CDH8: variants seen among roughly 807,000 people sequenced by gnomAD.
CDH8 encodes the protein cadherin-8.
CDH8 carries 17 observed loss-of-function variants against 68.1 expected under a neutral mutation model. The observed-to-expected ratio is 0.25, with a 90% CI of 0.17 to 0.37. The LOEUF is 0.37. CDH8 is among the 10% of genes least tolerant of loss of function. The pLI, the probability that CDH8 is intolerant of heterozygous loss-of-function variation, is 1.00. For missense variants in CDH8, 763 were observed against 999.3 expected, an observed-to-expected ratio of 0.76 and a Z score of 3.19; for synonymous variants, 372 against 365.1, an observed-to-expected ratio of 1.02 and a Z score of -0.21.
Position 61,827,217 on chromosome 16 carries a change from G to T in CDH8, c.668-2038C>A, listed in dbSNP as rs1209832846. 2.0e-5 allele frequency among the ~76,000 whole-genome samples: 3 copies of T among 151,780 alleles called. No homozygotes were observed. The East Asian group carries it at 5.8e-4, about 30-fold the overall frequency. On this transcript the variant is annotated intron_variant, in intron 4 of 11. Transcript: ENST00000577390. Reference sequence around the variant, plus strand: ...GCTCAAATTTTCAGTAAAAAAGATTGAAAACATTGTTTTCCTCCTGTGACA... The same window carrying T: ...GCTCAAATTTTCAGTAAAAAAGATTTAAAACATTGTTTTCCTCCTGTGACA...
At chr16:61,782,258 G>C (rs918449732) in intron 8 of CDH8, among the ~76,000 whole-genome samples, 1 of 152,124 alleles carries the variant, frequency 6.6e-6, no homozygotes, top group Non-Finnish European at 1.5e-5. Flanking sequence ...GAAGCAGGGC[G>C]AGGCATTGCC....
intron 11 of CDH8, among the ~76,000 whole-genome samples, chr16:61,654,839 A>C (rs1039779168): frequency 2.0e-5 from 3 of 152,198 alleles, no homozygotes; most frequent in African/African-American, 7.2e-5. Flanking sequence ...CCTCAAGGGT[A>C]GTATAAGATA....
intron 2 of CDH8, among the ~76,000 whole-genome samples, chr16:61,983,788 C>A (rs1017882926): frequency 1.3e-5 from 2 of 152,146 alleles, no homozygotes; most frequent in African/African-American, 2.4e-5. Context: ...ATCAGGATAA[C>A]AGCATATTGA....
intron 10 of CDH8, among the ~76,000 whole-genome samples, chr16:61,660,561 T>A (rs1012914669): frequency 6.6e-6 from 1 of 151,580 alleles, no homozygotes; most frequent in East Asian, 1.9e-4. Flanking sequence ...AAAACCTGAA[T>A]TAAAAAAAAT....
At chr16:61,839,186 C>T (rs577901463) in intron 4 of CDH8, among the ~76,000 whole-genome samples, 1 of 152,216 alleles carries the variant, frequency 6.6e-6, no homozygotes, top group South Asian at 2.1e-4. Flanking sequence ...GCAGATTGTA[C>T]TGATGATTAT....
chr16:61,871,978 C>T (rs1471151485), intron 3 of CDH8, among the ~76,000 whole-genome samples: 2 of 152,090 alleles, frequency 1.3e-5, no homozygotes, highest in African/African-American at 2.4e-5. Flanking sequence ...AAGAACTCTG[C>T]TCTGCATGAA....
intron 2 of CDH8, among the ~76,000 whole-genome samples, chr16:61,994,828 G>C (rs1181470702): frequency 6.6e-6 from 1 of 152,136 alleles, no homozygotes; most frequent in East Asian, 1.9e-4. Flanking sequence ...CTCAATTCTT[G>C]TTTCTCAATC....
At chr16:62,019,806 G>A (rs1597130050) in intron 2 of CDH8, among the ~76,000 whole-genome samples, 1 of 152,114 alleles carries the variant, frequency 6.6e-6, no homozygotes, top group East Asian at 1.9e-4. Context: ...TGCATATACT[G>A]AAGGGGGGCT....
chr16:61,996,197 C>A (rs1286230569), intron 2 of CDH8, among the ~76,000 whole-genome samples: 1 of 151,806 alleles, frequency 6.6e-6, no homozygotes, highest in Non-Finnish European at 1.5e-5. Context: ...GGTCATCCAA[C>A]CCAATCCCCT....
At chr16:61,853,999 T>C (rs1962992435) in intron 4 of CDH8, among the ~76,000 whole-genome samples, 1 of 152,028 alleles carries the variant, frequency 6.6e-6, no homozygotes, top group Admixed American at 6.6e-5. Context: ...TATATATGTA[T>C]ATACATATGT....
At chr16:61,671,449 G>T (rs539326007) in intron 10 of CDH8, among the ~76,000 whole-genome samples, 7 of 150,060 alleles carry the variant, frequency 4.7e-5, no homozygotes, top group Admixed American at 3.3e-4. Flanking sequence ...CTGGTTTAGT[G>T]GTAAAATAGC....
intron 2 of CDH8, among the ~76,000 whole-genome samples, chr16:62,012,194 A>G (rs932884096): frequency 6.6e-6 from 1 of 152,208 alleles, no homozygotes; most frequent in Non-Finnish European, 1.5e-5. Context: ...TCCATAAATA[A>G]CTTTTCTAGG....
At chr16:61,736,253 G>A (rs1248388604) in intron 8 of CDH8, among the ~76,000 whole-genome samples, 2 of 152,092 alleles carry the variant, frequency 1.3e-5, no homozygotes, top group African/African-American at 4.8e-5. Flanking sequence ...CAAATAATCA[G>A]GAGTTCTAAT....
Position 62,021,469 on chromosome 16 carries a change from G to A in CDH8, c.-66C>T. On this transcript the variant is annotated 5_prime_UTR_variant, in exon 2 of 12. Transcript: ENST00000577390. ...TTATTTTTTTTGTCTCCGGTCTGCA[G>A]CCATCCAATTCATCATGCAGTGCCG... 6.5e-7 allele frequency: 1 copy of A among 1,547,720 alleles called. No homozygotes were observed. The highest frequency in any genetic ancestry group is 1.3e-5 in the South Asian group (1 of 78,732).
rs541659190 is a variant in CDH8 at position 61,915,861 on chromosome 16, A to G, written c.253-14388T>C. Among the ~76,000 whole-genome samples the G allele has an allele frequency of 2.6e-5, 4 of 152,284 alleles. No individual in the cohort carries two copies. The East Asian group carries it at 5.8e-4, about 22-fold the overall frequency. On this transcript the variant is annotated intron_variant, in intron 2 of 11. Transcript: ENST00000577390. ...AGCTTTTGGGAAATCTAGCAAACCTAGAAGATGGAGGTAGAAAGGTAGGGG... is the reference window on the plus strand; with the variant it reads ...AGCTTTTGGGAAATCTAGCAAACCTGGAAGATGGAGGTAGAAAGGTAGGGG...
intron 3 of CDH8, among the ~76,000 whole-genome samples, chr16:61,877,487 G>A (rs1963482815): frequency 6.6e-6 from 1 of 152,066 alleles, no homozygotes; most frequent in Admixed American, 6.6e-5. Context: ...TTCATTATGT[G>A]TGTATATATG....
At chr16:61,975,917 T>G (rs1277835042) in intron 2 of CDH8, among the ~76,000 whole-genome samples, 1 of 152,138 alleles carries the variant, frequency 6.6e-6, no homozygotes, top group Non-Finnish European at 1.5e-5. Context: ...TGCATGACAG[T>G]AAGATAAAGG....
chr16:61,953,837 A>C (rs1964933424), intron 2 of CDH8, among the ~76,000 whole-genome samples: 1 of 149,100 alleles, frequency 6.7e-6, no homozygotes, highest in South Asian at 2.1e-4. Context: ...GGATTGTGCC[A>C]CTGTACTCCA....
intron 10 of CDH8, among the ~76,000 whole-genome samples, chr16:61,665,670 A>AG (rs1244264224): frequency 1.3e-5 from 2 of 151,898 alleles, no homozygotes; most frequent in Non-Finnish European, 2.9e-5. Flanking sequence ...TTAAGTTTAA[A>AG]GAAAAAAAAA....
Sources: gnomAD v4.1 joint callset for allele counts (sites outside exome capture counted in the v4.1 genomes callset) on GRCh38, gnomAD v4.1.1 for gene constraint, MANE v1.5 for transcripts, NCBI Gene and HGNC (gene_info 2026-07-23, HGNC 2026-07-21) for gene names.